Variants in SEMA3C observed in about 807,000 individuals in gnomAD.
The protein encoded by SEMA3C is semaphorin 3C.
A neutral mutation model predicts 89.4 loss-of-function variants in SEMA3C; 47 were observed. That is an observed-to-expected ratio of 0.53 (90% confidence interval 0.42 to 0.67). The LOEUF is 0.67. SEMA3C is among the 30% of genes least tolerant of loss of function. The probability of loss-of-function intolerance (pLI) is 0.00; values close to 1 mark genes in which losing one functional copy is unlikely to be tolerated. For synonymous variants in SEMA3C, 310 were observed against 320.2 expected (o/e 0.97, Z 0.34); for missense variants, 839 against 929.1 (o/e 0.90, Z 1.26).
intron 4 of SEMA3C, among the ~76,000 whole-genome samples, chr7:80,819,470 C>T (rs567815435): frequency 6.6e-6 from 1 of 152,110 alleles, no homozygotes; most frequent in African/African-American, 2.4e-5. Context: ...GTTCTGAATG[C>T]ACCTGTGCCT....
chr7:80,899,375 A>G (rs1791820234), intron 2 of SEMA3C, among the ~76,000 whole-genome samples: 1 of 152,224 alleles, frequency 6.6e-6, no homozygotes, highest in Admixed American at 6.5e-5. Context: ...ATGTTCGTAG[A>G]CAAAGACAAA....
chr7:80,748,939 T>G lies in SEMA3C; in HGVS notation c.1801A>C (p.Ile601Leu). Reference protein sequence around the residue: ...ECAPKSPQASIKWLLQKDKDR... With the variant: ...ECAPKSPQASLKWLLQKDKDR... ...TTGTCTTTCTGTAACAGCCACTTGA[T>G]AGATGCCTGCGGAGACTTGGGGGCA... Residue 601 changes from isoleucine (I) to leucine (L), a missense_variant, in exon 17 of 18, where the codon ATC (isoleucine) becomes CTC (leucine). Physicochemically the swap from Ile to Leu is conservative, Grantham distance 5. Coordinates refer to ENST00000265361, the MANE Select transcript of SEMA3C (RefSeq NM_006379.5). The G allele has an allele frequency of 1.2e-6, 2 of 1,613,444 alleles. No homozygotes were observed. The highest frequency in any genetic ancestry group is 1.7e-6 in the Non-Finnish European group (2 of 1,179,662).
intron 2 of SEMA3C, among the ~76,000 whole-genome samples, chr7:80,844,503 C>G (rs1354028479): frequency 6.6e-6 from 1 of 152,078 alleles, no homozygotes; most frequent in Non-Finnish European, 1.5e-5. Flanking sequence ...CCTCAGTTTA[C>G]TTACTTGTAA....
At chr7:80,872,828 T>C (rs1312564538) in intron 2 of SEMA3C, among the ~76,000 whole-genome samples, 1 of 144,536 alleles carries the variant, frequency 6.9e-6, no homozygotes, top group Non-Finnish European at 1.5e-5. Flanking sequence ...AAAAGATTGC[T>C]GAATTCTCAT....
chr7:80,751,384 A>G, intron 15 of SEMA3C, 48 bp from the exon 16 acceptor site: 1 of 1,478,670 alleles, frequency 6.8e-7, no homozygotes, highest in Non-Finnish European at 9.5e-7. Flanking sequence ...ATCACTGCCA[A>G]TTACACCACT....
At chr7:80,775,528 T>G (rs1297111972) in intron 12 of SEMA3C, among the ~76,000 whole-genome samples, 1 of 152,174 alleles carries the variant, frequency 6.6e-6, no homozygotes, top group Non-Finnish European at 1.5e-5. Context: ...ATATTCTATT[T>G]TTAATGCAGG....
intron 2 of SEMA3C, among the ~76,000 whole-genome samples, chr7:80,870,702 T>C (rs1334214991): frequency 6.6e-6 from 1 of 152,186 alleles, no homozygotes; most frequent in Non-Finnish European, 1.5e-5. Flanking sequence ...TATATAACAT[T>C]GAACCAAAAT....
At chr7:80,886,385 G>A (rs999613505) in intron 2 of SEMA3C, among the ~76,000 whole-genome samples, 7 of 146,712 alleles carry the variant, frequency 4.8e-5, no homozygotes, top group African/African-American at 1.8e-4. Context: ...ACAGAGTCTT[G>A]CTCTGTTGCC....
At position 80,789,465 on chromosome 7, in the gene SEMA3C, T is replaced by C; in HGVS notation, c.1195A>G (p.Thr399Ala). The change falls in exon 12 of 18, where the codon ACT becomes GCT. Residue 399 changes from threonine (T) to alanine (A), a missense_variant. Thr to Ala is a moderately conservative substitution (Grantham distance 58, BLOSUM62 0). Coordinates refer to ENST00000265361, the MANE Select transcript of SEMA3C (RefSeq NM_006379.5). ...TTKEFPDDVVTFIRNHPLMYN... is the reference protein window; with the variant it reads ...TTKEFPDDVVAFIRNHPLMYN... ...ATGAGAGGATGGTTCCGAATAAAAG[T>C]GACAACATCATCTGGGAACTCCTTG... 1 of 1,614,070 alleles carries C rather than the reference T, an allele frequency of 6.2e-7. No homozygotes were observed. The highest frequency in any genetic ancestry group is 1.1e-5 in the South Asian group (1 of 91,074).
chr7:80,796,886 C>G (rs1789078298), intron 11 of SEMA3C, among the ~76,000 whole-genome samples: 1 of 151,980 alleles, frequency 6.6e-6, no homozygotes, highest in African/African-American at 2.4e-5. Context: ...AAAGGCTTAG[C>G]AAACTGTATC....
chr7:80,752,614 C>CAAAAAA (rs10660428), intron 15 of SEMA3C, among the ~76,000 whole-genome samples: 1 of 111,324 alleles, frequency 9.0e-6, no homozygotes, highest in Non-Finnish European at 1.8e-5. Context: ...GACTCCATCT[C>CAAAAAA]AAAAAAAAAA....
At chr7:80,791,622 T>C (rs1788942214) in intron 11 of SEMA3C, among the ~76,000 whole-genome samples, 1 of 152,178 alleles carries the variant, frequency 6.6e-6, no homozygotes, top group Admixed American at 6.5e-5. Context: ...TGAACACTTA[T>C]CCAGCTGACT....
chr7:80,898,198 C>T (rs1395122221), intron 2 of SEMA3C, among the ~76,000 whole-genome samples: 1 of 151,638 alleles, frequency 6.6e-6, no homozygotes, highest in Non-Finnish European at 1.5e-5. Context: ...ACCCCGCGTG[C>T]CGACGAAAAA....
In SEMA3C at chr7:80,758,438, G is replaced by A. The variant is rs747117460; in HGVS notation, c.1536C>T (p.His512=). 17 of 1,613,878 alleles carry A rather than the reference G, an allele frequency of 1.1e-5. No individual in the cohort carries two copies. The highest frequency in any genetic ancestry group is 9.3e-6 in the Non-Finnish European group (11 of 1,179,898). Residue 512 remains histidine, a synonymous_variant, in exon 15 of 18, where the codon CAC becomes CAT. Coordinates refer to ENST00000265361, the MANE Select transcript of SEMA3C (RefSeq NM_006379.5). The part of the protein sequence containing the change: ...SNEGVSQVSL[H]RCHIYGTACA... ...AGGCTGTACCATAGATGTGGCAGCG[G>A]TGCAGAGATACCTGGGAAACCCCTT...
At chr7:80,892,799 G>T (rs1791647222) in intron 2 of SEMA3C, among the ~76,000 whole-genome samples, 1 of 152,080 alleles carries the variant, frequency 6.6e-6, no homozygotes, top group Non-Finnish European at 1.5e-5. Flanking sequence ...TCTTTTAAAG[G>T]TTGGAACATG....
At chr7:80,798,291 T>G (rs1789115712) in intron 10 of SEMA3C, 55 bp from the exon 11 acceptor site, 1 of 1,267,582 alleles carries the variant, frequency 7.9e-7, no homozygotes, top group South Asian at 2.1e-5. Flanking sequence ...AAAATACAAT[T>G]TAAAAAATAT....
chr7:80,889,938 C>T (rs6956461), intron 2 of SEMA3C, among the ~76,000 whole-genome samples: 113,302 of 151,968 alleles, frequency 0.75, 42,416 homozygotes, highest in South Asian at 0.86. Context: ...ACTATTGTTT[C>T]TGGGTGTTTG....
At chr7:80,888,313 C>T (rs1168485980) in intron 2 of SEMA3C, among the ~76,000 whole-genome samples, 1 of 151,522 alleles carries the variant, frequency 6.6e-6, no homozygotes, top group African/African-American at 2.4e-5. Flanking sequence ...ATTTGGGAGG[C>T]CGAGGCAGGA....
chr7:80,797,116 T>C (rs190346270), intron 11 of SEMA3C, among the ~76,000 whole-genome samples: 54 of 152,240 alleles, frequency 3.5e-4, no homozygotes, highest in African/African-American at 1.3e-3. Context: ...TTAAAATAAA[T>C]TCATTGTTCA....
Sources: gnomAD v4.1 joint callset for allele counts (sites outside exome capture counted in the v4.1 genomes callset) on GRCh38, gnomAD v4.1.1 for gene constraint, MANE v1.5 for transcripts, NCBI Gene and HGNC (gene_info 2026-07-23, HGNC 2026-07-21) for gene names.